Variants in CCDC122 observed in about 807,000 individuals in gnomAD.
The protein encoded by CCDC122 is coiled-coil domain-containing protein 122.
CCDC122 carries 38 observed loss-of-function variants against 37.0 expected under a neutral mutation model. That is an observed-to-expected ratio of 1.03 (90% confidence interval 0.79 to 1.35). CCDC122 has a LOEUF of 1.35. CCDC122 is among the 40% of genes most tolerant of loss of function. CCDC122 has a pLI of 0.00. For synonymous variants in CCDC122, 83 were observed against 95.6 expected, an observed-to-expected ratio of 0.87 and a Z score of 0.77; for missense variants, 305 against 310.0, an observed-to-expected ratio of 0.98 and a Z score of 0.12.
At chr13:43,874,756 T>G (rs1954555618) in intron 2 of CCDC122, 86 bp downstream of exon 2, 1 of 152,258 alleles carries the variant, frequency 6.6e-6, no homozygotes, top group Non-Finnish European at 1.5e-5. Flanking sequence ...AGACAACTCT[T>G]TTCAAACATG....
At chr13:43,850,120 A>G (rs955120999) in intron 6 of CCDC122, among the ~76,000 whole-genome samples, 1 of 152,108 alleles carries the variant, frequency 6.6e-6, no homozygotes, top group African/African-American at 2.4e-5. Context: ...ACCCAGAATG[A>G]TATTTGCAGA....
At chr13:43,855,140 A>T (rs1206093144) in intron 6 of CCDC122, 1 of 152,164 alleles carries the variant, frequency 6.6e-6, no homozygotes, top group East Asian at 1.9e-4. Flanking sequence ...ATCAGGCAAG[A>T]GAAAGAAATA....
At position 43,849,228 on chromosome 13, in the gene CCDC122, G is replaced by A. The variant is rs1025131343; in HGVS notation, c.672+9553C>T. ...GGTCCCTATTATGAAAACTTAAAAA[G>A]TTTATTAAATTTCATGACAAGAAGT... is the stretch of plus-strand genomic sequence containing the variant. On this transcript the variant is annotated intron_variant, in intron 6 of 6. Coordinates refer to ENST00000444614, the MANE Select transcript of CCDC122 (RefSeq NM_144974.5). 10 of 261,918 alleles carry A rather than the reference G, an allele frequency of 3.8e-5. No homozygotes were observed. The Admixed American group carries it at 5.9e-4, about 15-fold the overall frequency. 16.2% of individuals were successfully genotyped at this position (261,918 alleles called of 1,614,324 possible).
intron 6 of CCDC122, among the ~76,000 whole-genome samples, chr13:43,841,534 A>G (rs1056118442): frequency 2.0e-5 from 3 of 152,054 alleles, no homozygotes; most frequent in Admixed American, 6.6e-5. Flanking sequence ...TGGTCATACT[A>G]TGTCTTCTTT....
rs142783264 is a variant in CCDC122, at chr13:43,837,011, T to C, written c.*269A>G. ...AACAGGTATTCATGAGTATAATACA[T>C]TTTACACACTCCAAATAGTCACAGA... On this transcript the variant is annotated 3_prime_UTR_variant, in exon 7 of 7. Transcript: ENST00000444614. 2.9e-3 allele frequency: 975 copies of C among 341,490 alleles called. 7 individuals are homozygous for C. The highest frequency in any genetic ancestry group is 0.017 in the African/African-American group (795 of 47,732). 21.2% of individuals were successfully genotyped at this position (341,490 alleles called of 1,614,324 possible).
intron 2 of CCDC122, 157 bp downstream of exon 2, chr13:43,874,685 A>G (rs535526587): frequency 6.6e-6 from 1 of 152,372 alleles, no homozygotes; most frequent in Admixed American, 6.5e-5. Context: ...AAATGAAAAC[A>G]AACTACTGCC....
chr13:43,867,090 A>C (rs1207380578), intron 4 of CCDC122, among the ~76,000 whole-genome samples: 5 of 152,084 alleles, frequency 3.3e-5, no homozygotes, highest in African/African-American at 7.2e-5. Flanking sequence ...TAGACCAAGG[A>C]AGTTCCCTTT....
At chr13:43,849,028 A>G (rs1953637360) in intron 6 of CCDC122, 6 of 951,756 alleles carry the variant, frequency 6.3e-6, no homozygotes, top group Non-Finnish European at 7.5e-6. Context: ...TATTCACAAA[A>G]ATGTAACGTT....
chr13:43,848,255 A>G (rs1033379454), intron 6 of CCDC122, among the ~76,000 whole-genome samples: 1 of 152,182 alleles, frequency 6.6e-6, no homozygotes. Context: ...ATTCTTTTAC[A>G]TTTTAAACTC....
intron 3 of CCDC122, among the ~76,000 whole-genome samples, chr13:43,827,291 C>T (rs1953049181): frequency 6.6e-6 from 1 of 152,030 alleles, no homozygotes; most frequent in Non-Finnish European, 1.5e-5. Context: ...TAAAATTATA[C>T]AAGTAGATTT....
chr13:43,839,070 T>C (rs1314104047), intron 6 of CCDC122, among the ~76,000 whole-genome samples: 1 of 152,200 alleles, frequency 6.6e-6, no homozygotes, highest in African/African-American at 2.4e-5. Flanking sequence ...ATGACTCCAG[T>C]GGATGGGTGG....
chr13:43,873,927 A>G (rs1954526491), intron 2 of CCDC122, among the ~76,000 whole-genome samples: 1 of 152,140 alleles, frequency 6.6e-6, no homozygotes, highest in Admixed American at 6.6e-5. Context: ...CAGGTGTCTA[A>G]TTATAGTCTA....
chr13:43,878,322 AC>A (rs1954721208), intron 1 of CCDC122, among the ~76,000 whole-genome samples: 1 of 152,156 alleles, frequency 6.6e-6, no homozygotes, highest in Non-Finnish European at 1.5e-5. Context: ...GGCAGAGTGC[AC>A]CTTCTGATTG....
At chr13:43,833,749 G>T (rs1474826938), downstream of CCDC122, among the ~76,000 whole-genome samples, 3 of 144,604 alleles carry the variant, frequency 2.1e-5, no homozygotes, top group Non-Finnish European at 3.0e-5. Flanking sequence ...ATGACATTTG[G>T]TGCAGAGCAG....
At chr13:43,844,089 AATTT>A (rs752770513) in intron 6 of CCDC122, among the ~76,000 whole-genome samples, 4 of 150,710 alleles carry the variant, frequency 2.7e-5, no homozygotes, top group Non-Finnish European at 5.9e-5. Flanking sequence ...CTTTTTGCTG[AATTT>A]ATTTTTCTAG....
intron 6 of CCDC122, chr13:43,856,554 T>G: frequency 6.1e-6 from 1 of 165,146 alleles, no homozygotes; most frequent in Non-Finnish European, 1.3e-5. Flanking sequence ...GGCGTGAACC[T>G]GGGAGGCAGA....
At chr13:43,859,526 T>G in intron 5 of CCDC122, 146 bp downstream of exon 5, 1 of 592,906 alleles carries the variant, frequency 1.7e-6, no homozygotes, top group African/African-American at 1.9e-5. Flanking sequence ...TTATTCCAAG[T>G]TTTTTTCAAT....
At chr13:43,864,664 A>T (rs1954217020) in intron 4 of CCDC122, among the ~76,000 whole-genome samples, 1 of 152,136 alleles carries the variant, frequency 6.6e-6, no homozygotes, top group Non-Finnish European at 1.5e-5. Flanking sequence ...CCATGACCCA[A>T]ACACCTCCCA....
At chr13:43,861,556 C>T (rs1197450922) in intron 4 of CCDC122, among the ~76,000 whole-genome samples, 1 of 152,172 alleles carries the variant, frequency 6.6e-6, no homozygotes, top group East Asian at 1.9e-4. Flanking sequence ...GGCCATCCTC[C>T]ATAGTCCTCT....
Sources: gnomAD v4.1 joint callset for allele counts (sites outside exome capture counted in the v4.1 genomes callset) on GRCh38, gnomAD v4.1.1 for gene constraint, MANE v1.5 for transcripts, NCBI Gene and HGNC (gene_info 2026-07-23, HGNC 2026-07-21) for gene names.